The following FERMT2 variants were observed in gnomAD, a reference collection of about 807,000 sequenced individuals.
The protein encoded by FERMT2 is FERM domain containing kindlin 2.
In FERMT2, 15 loss-of-function variants were observed where a neutral mutation model predicts 82.7. The ratio of observed to expected loss-of-function variants is 0.18; its 90% CI spans 0.12 to 0.28. The LOEUF (loss-of-function observed/expected upper bound fraction) is 0.28. FERMT2 is among the 10% of genes least tolerant of loss of function. FERMT2 has a pLI of 1.00. For synonymous variants in FERMT2, 274 were observed against 271.5 expected (o/e 1.01, Z -0.09); for missense variants, 645 against 809.4 (o/e 0.80, Z 2.46).
intron 3 of FERMT2, among the ~76,000 whole-genome samples, chr14:52,900,866 T>C (rs553981461): frequency 2.6e-5 from 4 of 152,054 alleles, no homozygotes; most frequent in Non-Finnish European, 5.9e-5. Flanking sequence ...AAAGATCTTT[T>C]AGATAGTGAT....
In FERMT2 at chr14:52,919,313, C is replaced by T. The variant is rs567979465; in HGVS notation, c.201G>A (p.Lys67=). 3 of 1,613,950 alleles carry T rather than the reference C, an allele frequency of 1.9e-6. No homozygotes were observed. In the African/African-American group the frequency reaches 4.0e-5, roughly 22 times the overall value. Residue 67 remains lysine, a synonymous_variant, in exon 3 of 15, where the codon AAG becomes AAA. Transcript: ENST00000341590. ...GTGTCTTCAGAAGCCAAGTTCTCTT[C>T]TTTTCCCACCAGAGAGCATGGTCAG... ...DWSDHALWWE[K]KRTWLLKTHW...
intron 13 of FERMT2, chr14:52,860,106 C>T (rs375863362): frequency 5.3e-5 from 22 of 415,690 alleles, no homozygotes; most frequent in East Asian, 1.8e-4. Context: ...CGTGAGCCAC[C>T]GTGCCTGGCC....
At chr14:52,914,942 T>C (rs757102136) in intron 3 of FERMT2, among the ~76,000 whole-genome samples, 1 of 146,746 alleles carries the variant, frequency 6.8e-6, no homozygotes, top group African/African-American at 2.6e-5. Flanking sequence ...TAACAAAAAA[T>C]AAATAAAAAT....
chr14:52,911,502 T>G (rs562819150), intron 3 of FERMT2, among the ~76,000 whole-genome samples: 1 of 151,934 alleles, frequency 6.6e-6, no homozygotes, highest in South Asian at 2.1e-4. Context: ...AAACAAAAAA[T>G]TAGCTGGGCG....
chr14:52,949,520 A>C (rs1190555379), intron 2 of FERMT2, among the ~76,000 whole-genome samples: 1 of 152,110 alleles, frequency 6.6e-6, no homozygotes, highest in Non-Finnish European at 1.5e-5. Context: ...TATGTACAAA[A>C]GGCTCTTTAA....
chr14:52,889,815 C>T (rs527599157), intron 4 of FERMT2, among the ~76,000 whole-genome samples: 28 of 152,276 alleles, frequency 1.8e-4, no homozygotes, highest in African/African-American at 6.3e-4. Context: ...ATCTAAACAT[C>T]TCTAAACATA....
At chr14:52,896,534 T>A (rs757144444) in intron 3 of FERMT2, among the ~76,000 whole-genome samples, 6 of 152,204 alleles carry the variant, frequency 3.9e-5, no homozygotes, top group Non-Finnish European at 7.3e-5. Flanking sequence ...CACTATTTAT[T>A]AGCTGTGTGA....
chr14:52,906,146 T>A (rs1357834315), intron 3 of FERMT2, among the ~76,000 whole-genome samples: 1 of 152,084 alleles, frequency 6.6e-6, no homozygotes, highest in East Asian at 1.9e-4. Context: ...AGATCTGGGA[T>A]GGCATTCAGG....
chr14:52,927,725 A>G lies in FERMT2; in HGVS notation c.158-8369T>C, dbSNP rs535219242. On this transcript the variant is annotated intron_variant, in intron 2 of 14. Transcript: ENST00000341590. Reference sequence around the variant, plus strand: ...TCAAGGTTGCATAGAAAGTTGATCAAATCCCACTCCTGTTGTTTCTGCACG... The same window carrying G: ...TCAAGGTTGCATAGAAAGTTGATCAGATCCCACTCCTGTTGTTTCTGCACG... Among the ~76,000 whole-genome samples the G allele has an allele frequency of 1.1e-4, 17 of 151,450 alleles. No homozygotes were observed. In the South Asian group the frequency reaches 1.9e-3, roughly 17 times the overall value.
intron 2 of FERMT2, among the ~76,000 whole-genome samples, chr14:52,940,174 T>C (rs1416515265): frequency 6.6e-6 from 1 of 152,188 alleles, no homozygotes; most frequent in African/African-American, 2.4e-5. Context: ...CCTTGATATG[T>C]GTAGAAAGGT....
At chr14:52,901,882 C>T (rs1220288155) in intron 3 of FERMT2, among the ~76,000 whole-genome samples, 1 of 152,146 alleles carries the variant, frequency 6.6e-6, no homozygotes, top group Non-Finnish European at 1.5e-5. Flanking sequence ...GAGATAAATT[C>T]GTGTTGTTTC....
chr14:52,901,832 G>A (rs1017437197), intron 3 of FERMT2, among the ~76,000 whole-genome samples: 19 of 152,224 alleles, frequency 1.2e-4, no homozygotes, highest in African/African-American at 4.1e-4. Context: ...AGAGGACACA[G>A]GTGAGCCACG....
intron 4 of FERMT2, among the ~76,000 whole-genome samples, chr14:52,889,203 T>C (rs1334507258): frequency 6.6e-6 from 1 of 152,206 alleles, no homozygotes; most frequent in African/African-American, 2.4e-5. Flanking sequence ...TTACATGTAG[T>C]GTTTTGGACA....
At chr14:52,861,357 CTACATCGTGTACCCAGT>C (rs538816293) in intron 12 of FERMT2, 8 of 303,128 alleles carry the variant, frequency 2.6e-5, no homozygotes, top group East Asian at 8.3e-5. Flanking sequence ...TTCTTTCCCC[CTACATCGTGTACCCAGT>C]TACATCGTGT....
Position 52,857,578 on chromosome 14 carries a change from T to C in FERMT2, c.*799A>G, listed in dbSNP as rs776525158. 6.6e-6 allele frequency: 1 copy of C among 152,670 alleles called. No individual in the cohort carries two copies. Among genetic ancestry groups the C allele is most frequent in the Non-Finnish European group, 1.5e-5 (1 of 68,046 alleles). 9.5% of individuals were successfully genotyped at this position (152,670 alleles called of 1,614,324 possible). A position where few individuals can be genotyped will look rare whatever the true frequency, so the allele number is the denominator to read the frequency against. ...TAAAGGCATTTAATTAACGCAGAGA[T>C]TGCTACATTTAAGCCATCTGCTAGT... On this transcript the variant is annotated 3_prime_UTR_variant, in exon 15 of 15. Coordinates refer to ENST00000341590, the MANE Select transcript of FERMT2 (RefSeq NM_006832.3).
At chr14:52,892,159 G>GGTTTTTTTTTTTTTTT (rs1555368978) in intron 4 of FERMT2, among the ~76,000 whole-genome samples, 3 of 78,818 alleles carry the variant, frequency 3.8e-5, no homozygotes, top group African/African-American at 1.2e-4. Context: ...AGAGAAGGCT[G>GGTTTTTTTTTTTTTTT]TTTTTTGTTT....
intron 3 of FERMT2, among the ~76,000 whole-genome samples, chr14:52,906,648 GA>G (rs995257586): frequency 6.6e-6 from 1 of 151,378 alleles, no homozygotes; most frequent in African/African-American, 2.4e-5. Flanking sequence ...ACACATAATA[GA>G]AAAATGAAAA....
At chr14:52,870,398 T>G (rs935340553) in intron 10 of FERMT2, among the ~76,000 whole-genome samples, 2 of 152,138 alleles carry the variant, frequency 1.3e-5, no homozygotes, top group South Asian at 4.1e-4. Context: ...TACAGGCATA[T>G]GCCACCATGC....
intron 6 of FERMT2, among the ~76,000 whole-genome samples, chr14:52,878,938 G>A (rs899567203): frequency 7.2e-5 from 11 of 152,092 alleles, no homozygotes; most frequent in African/African-American, 2.7e-4. Flanking sequence ...ATAATTGATT[G>A]TACAGTATTA....
Sources: allele counts gnomAD v4.1 joint callset (sites outside exome capture counted in the v4.1 genomes callset), GRCh38; gene constraint gnomAD v4.1.1; transcripts MANE v1.5; gene names NCBI Gene and HGNC (gene_info 2026-07-23, HGNC 2026-07-21).